Variants in CIITA observed in about 807,000 individuals in gnomAD.
The protein encoded by CIITA is MHC class II transactivator.
A neutral mutation model predicts 115.1 loss-of-function variants in CIITA; 72 were observed. The ratio of observed to expected loss-of-function variants is 0.63; its 90% CI spans 0.52 to 0.76. The LOEUF is 0.76. Ranked by LOEUF, CIITA falls within the 30% of genes least tolerant of loss-of-function variation. The pLI, the probability that CIITA is intolerant of heterozygous loss-of-function variation, is 0.00. For synonymous variants in CIITA, 763 were observed against 635.6 expected (o/e 1.20, Z -3.02); for missense variants, 1,617 against 1,463.8 (o/e 1.10, Z -1.71).
At chr16:10,938,547 C>A (rs2041060748), downstream of CIITA, 1 of 152,170 alleles carries the variant, frequency 6.6e-6, no homozygotes, top group Non-Finnish European at 1.5e-5. The surrounding 1 kb of genome is among the most constrained non-coding windows in gnomAD (Gnocchi z 4.9). Flanking sequence ...TACCGGCGTT[C>A]CCCTGCTTAT....
Position 10,927,179 on chromosome 16 carries a change from A to G in CIITA, c.*3324A>G, listed in dbSNP as rs1001525378. On this transcript the variant is annotated 3_prime_UTR_variant, in exon 20 of 20. Transcript: ENST00000324288. ...AACATGTTGGCTGTCATTATTACAT[A>G]TATCTGTGTTTCATTCTTGCCTCTG... 2.0e-5 allele frequency: 3 copies of G among 152,220 alleles called. No homozygotes were observed. Among genetic ancestry groups the G allele is most frequent in the Admixed American group, 6.5e-5 (1 of 15,278 alleles). 9.4% of individuals were successfully genotyped at this position (152,220 alleles called of 1,614,324 possible). A position where few individuals can be genotyped will look rare whatever the true frequency, so the allele number is the denominator to read the frequency against.
rs371511416 is a variant in CIITA, at chr16:10,921,084, T to C, written c.3150-1083T>C. ...GGTTTCTCCATGTTGGTCAGGCTGG[T>C]CTCAAACTCCCGACCTTAGGTGATC... On this transcript the variant is annotated intron_variant, in intron 16 of 19. Transcript: ENST00000324288. Among the ~76,000 whole-genome samples the C allele has an allele frequency of 1.4e-3, 207 of 152,308 alleles. 1 individual carries two copies. The highest frequency in any genetic ancestry group is 4.8e-3 in the African/African-American group (198 of 41,570).
At chr16:10,898,094 G>C (rs529267855) in intron 3 of CIITA, among the ~76,000 whole-genome samples, 2 of 152,224 alleles carry the variant, frequency 1.3e-5, no homozygotes, top group Non-Finnish European at 2.9e-5. Context: ...AGCCTTCCCT[G>C]ATTGCCCTAT....
Position 10,910,246 on chromosome 16 carries a change from A to G in CIITA, c.2875A>G (p.Lys959Glu). 2 of 1,613,994 alleles carry G rather than the reference A, an allele frequency of 1.2e-6. No individual in the cohort carries two copies. Among genetic ancestry groups the G allele is most frequent in the Non-Finnish European group, 1.7e-6 (2 of 1,179,948 alleles). The change falls in exon 13 of 20, where the codon AAA becomes GAA. Residue 959 changes from lysine (K) to glutamate (E), a missense_variant. Lys to Glu is a moderately conservative substitution (Grantham distance 56). Coordinates refer to ENST00000324288, the MANE Select transcript of CIITA (RefSeq NM_000246.4). ...GELPAVRDLK[K>E]LEFALGPVSG... is the part of the protein sequence containing the mutation. ...GCTCCCTGCTGTTCGGGACCTAAAG[A>G]AACTGGAGTTTGCGTAAGCAAAGGG...
In CIITA at chr16:10,922,207, T is replaced by A; in HGVS notation, c.3190T>A (p.Leu1064Met). 1 of 1,614,240 alleles carries A rather than the reference T, an allele frequency of 6.2e-7. No homozygotes were observed. Among genetic ancestry groups the A allele is most frequent in the Non-Finnish European group, 8.5e-7 (1 of 1,180,038 alleles). Residue 1064 changes from leucine (L) to methionine (M), a missense_variant, in exon 17 of 20, where the codon TTG becomes ATG. Leu to Met is a conservative substitution (Grantham distance 15). Transcript: ENST00000324288. Reference protein sequence around the residue: ...NCICDVGAESLARVLPDMVSL... With the variant: ...NCICDVGAESMARVLPDMVSL... ...CATCTGCGACGTGGGAGCCGAGAGC[T>A]TGGCTCGTGTGCTTCCGGACATGGT...
Position 10,902,023 on chromosome 16 carries a change from C to A in CIITA, c.482-15C>A. On this transcript the variant is annotated splice_polypyrimidine_tract_variant and intron_variant, in intron 6 of 19. Transcript: ENST00000324288. ...TCCAAGCACCCAGTCTCTAACACAGCCCACTTCCTCACAGCTGAGCCCCCC... is the reference window on the plus strand; with the variant it reads ...TCCAAGCACCCAGTCTCTAACACAGACCACTTCCTCACAGCTGAGCCCCCC... The A allele has an allele frequency of 6.2e-7, 1 of 1,613,792 alleles. No homozygotes were observed.
chr16:10,887,357 G>C (rs1435832607), intron 1 of CIITA, among the ~76,000 whole-genome samples: 1 of 152,152 alleles, frequency 6.6e-6, no homozygotes, highest in African/African-American at 2.4e-5. Flanking sequence ...GAGGCTCAGA[G>C]GGCTAAGGTA....
chr16:10,925,638 T>A lies in CIITA; in HGVS notation c.*1783T>A, dbSNP rs1301123284. On this transcript the variant is annotated 3_prime_UTR_variant, in exon 20 of 20. Coordinates refer to ENST00000324288, the MANE Select transcript of CIITA (RefSeq NM_000246.4). ...TTCTGCCATATTCTGTTGGCCAGTG[T>A]GACAAGGATTGCTACTGTCCTACCC... 3 of 152,394 alleles carry A rather than the reference T, an allele frequency of 2.0e-5. No homozygotes were observed. The highest frequency in any genetic ancestry group is 4.8e-5 in the African/African-American group (2 of 41,458). 9.4% of individuals were successfully genotyped at this position (152,394 alleles called of 1,614,324 possible).
chr16:10,889,356 T>C (rs1303144325), intron 1 of CIITA, among the ~76,000 whole-genome samples: 2 of 152,172 alleles, frequency 1.3e-5, no homozygotes, highest in Non-Finnish European at 2.9e-5. Flanking sequence ...GGGAGGCAGC[T>C]GTGGCGTTGT....
At chr16:10,869,989 G>T (rs2035366473) in intron 1 of CIITA, among the ~76,000 whole-genome samples, 1 of 151,984 alleles carries the variant, frequency 6.6e-6, no homozygotes, top group African/African-American at 2.4e-5. Flanking sequence ...TGAATGTTCA[G>T]TGGATGGATG....
chr16:10,924,860 T>C lies in CIITA; in HGVS notation c.*1005T>C, dbSNP rs2040467005. 1 of 152,364 alleles carries C rather than the reference T, an allele frequency of 6.6e-6. No homozygotes were observed. The highest frequency in any genetic ancestry group is 6.5e-5 in the Admixed American group (1 of 15,308). The allele number at this position is 152,364 out of a possible 1,614,324, so 9.4% of individuals were successfully genotyped here. On this transcript the variant is annotated 3_prime_UTR_variant, in exon 20 of 20. Transcript: ENST00000324288. ...CTACATTATAAATGTCTCTTTAATG[T>C]CACAGGCAGGTCCAGGGTTTGAGTT...
chr16:10,907,901 G>A lies in CIITA; in HGVS notation c.2409G>A (p.Ala803=), dbSNP rs755302593. ...LKRLQPGTLR[A]RQLLELLHCA... ...GGCTGCAGCCGGGGACACTGCGGGCGCGGCAGCTGCTGGAGCTGCTGCACT... is the reference window on the plus strand; with the variant it reads ...GGCTGCAGCCGGGGACACTGCGGGCACGGCAGCTGCTGGAGCTGCTGCACT... Residue 803 remains alanine (A), a synonymous_variant, in exon 11 of 20, where the codon GCG becomes GCA. Transcript: ENST00000324288. This position sits in a 1 kb window ranked among gnomAD's most constrained non-coding sequence, Gnocchi z 5.0. 1.2e-5 allele frequency: 19 copies of A among 1,585,190 alleles called. No individual in the cohort carries two copies. The highest frequency in any genetic ancestry group is 1.8e-5 in the Admixed American group (1 of 56,642).
Position 10,922,200 on chromosome 16 carries a change from C to T in CIITA, c.3183C>T (p.Ala1061=), listed in dbSNP as rs150928735. ...ATAACTGCATCTGCGACGTGGGAGC[C>T]GAGAGCTTGGCTCGTGTGCTTCCGG... ...LYNNCICDVG[A]ESLARVLPDM... is the part of the protein sequence containing the mutation. The change falls in exon 17 of 20, where the codon GCC becomes GCT. Residue 1061 remains alanine (A), a synonymous_variant. Coordinates refer to ENST00000324288, the MANE Select transcript of CIITA (RefSeq NM_000246.4). 18 of 1,614,212 alleles carry T rather than the reference C, an allele frequency of 1.1e-5. No individual in the cohort carries two copies. The highest frequency in any genetic ancestry group is 3.3e-5 in the South Asian group (3 of 91,086).
chr16:10,917,329 C>A (rs894506795), intron 15 of CIITA, among the ~76,000 whole-genome samples: 9 of 152,112 alleles, frequency 5.9e-5, no homozygotes, highest in Non-Finnish European at 1.2e-4. Flanking sequence ...CATGCCACCA[C>A]GTCCCGCTAA....
intron 1 of CIITA, among the ~76,000 whole-genome samples, chr16:10,869,522 CT>C (rs113683242): frequency 2.6e-4 from 38 of 146,142 alleles, no homozygotes; most frequent in Non-Finnish European, 2.4e-4. Context: ...TTTTTCCCCA[CT>C]TTTTTTTTTT....
At position 10,904,812 on chromosome 16, in the gene CIITA, G is replaced by A. The variant is rs1221774480; in HGVS notation, c.1006G>A (p.Glu336Lys). The change falls in exon 10 of 20, where the codon GAG becomes AAG. Residue 336 changes from glutamate (E) to lysine (K), a missense_variant and splice_region_variant. Transcript: ENST00000324288. ...CTCCAACAAGCTTCCAAAATGGCCT[G>A]GTGAGTGATGCGGGATCTCTCTGCC... is the stretch of plus-strand genomic sequence containing the variant. The part of the protein sequence containing the change: ...EVSNKLPKWP[E>K]PVEQFYRSLQ... 1 of 1,614,020 alleles carries A rather than the reference G, an allele frequency of 6.2e-7. No individual in the cohort carries two copies.
intron 1 of CIITA, among the ~76,000 whole-genome samples, chr16:10,880,243 A>G (rs1042551532): frequency 2.6e-5 from 4 of 152,134 alleles, no homozygotes; most frequent in African/African-American, 9.7e-5. Context: ...ATCACCTGGG[A>G]TGATCAACCT....
intron 10 of CIITA, among the ~76,000 whole-genome samples, chr16:10,905,594 C>G (rs553903556): frequency 6.6e-6 from 1 of 152,010 alleles, no homozygotes; most frequent in East Asian, 1.9e-4. Flanking sequence ...AACCCCGTCT[C>G]CATTAAAAAA....
Position 10,929,565 on chromosome 16 carries a change from A to G in CIITA, c.*5710A>G, listed in dbSNP as rs2040687553. ...AGCTTTTGAGGGGAGCAGGTCTAAC[A>G]AGAAGGAAAAAGGGGGGTTATTAGC... On this transcript the variant is annotated 3_prime_UTR_variant, in exon 20 of 20. Coordinates refer to ENST00000324288, the MANE Select transcript of CIITA (RefSeq NM_000246.4). This position sits in a 1 kb window ranked among gnomAD's most constrained non-coding sequence, Gnocchi z 4.3. The G allele has an allele frequency of 9.1e-6, 9 of 985,250 alleles. No individual in the cohort carries two copies. Among genetic ancestry groups the G allele is most frequent in the Admixed American group, 6.2e-5 (1 of 16,254 alleles). The allele number at this position is 985,250 out of a possible 1,614,324, so 61.0% of individuals were successfully genotyped here. A position where few individuals can be genotyped will look rare whatever the true frequency, so the allele number is the denominator to read the frequency against.
Sources: allele counts gnomAD v4.1 joint callset (sites outside exome capture counted in the v4.1 genomes callset), GRCh38; gene constraint gnomAD v4.1.1; non-coding constraint Gnocchi (gnomAD v3.1); transcripts MANE v1.5; gene names NCBI Gene and HGNC (gene_info 2026-07-23, HGNC 2026-07-21).